ARNT2: variants seen among roughly 807,000 people sequenced by gnomAD.
The protein encoded by ARNT2 is aryl hydrocarbon receptor nuclear translocator 2, also known as ARNT protein 2.
Under a neutral mutation model 91.7 loss-of-function variants are expected in ARNT2, and 36 were observed. The ratio of observed to expected loss-of-function variants is 0.39; its 90% CI spans 0.30 to 0.52. The LOEUF (loss-of-function observed/expected upper bound fraction) is 0.52, where lower values mean the gene tolerates loss of function less well. Among genes scored for constraint, ARNT2 ranks in the 20% least tolerant of loss-of-function variants. The pLI, the probability that ARNT2 is intolerant of heterozygous loss-of-function variation, is 0.72. For synonymous variants in ARNT2, 365 were observed against 347.1 expected, an observed-to-expected ratio of 1.05 and a Z score of -0.57; for missense variants, 775 against 939.3, an observed-to-expected ratio of 0.83 and a Z score of 2.29.
intron 13 of ARNT2, 105 bp downstream of exon 13, chr15:80,574,325 C>T: frequency 9.1e-7 from 1 of 1,102,166 alleles, no homozygotes; most frequent in Non-Finnish European, 1.4e-6. Flanking sequence ...AAGGATTGCC[C>T]CATCCCCCCA....
At chr15:80,549,015 A>G (rs1455284495) in intron 8 of ARNT2, among the ~76,000 whole-genome samples, 1 of 152,184 alleles carries the variant, frequency 6.6e-6, no homozygotes, top group African/African-American at 2.4e-5. Flanking sequence ...CTCTATAATT[A>G]AAATAGTATG....
In ARNT2 at chr15:80,593,778, C is replaced by T. The variant is rs1413277703; in HGVS notation, c.*80C>T. On this transcript the variant is annotated 3_prime_UTR_variant, in exon 19 of 19. Transcript: ENST00000303329. ...TGCCCATGTGAATGAGGCCCACCCT[C>T]GCCCTGCTTGCCCTGCCGCAGGCCC... 9.6e-6 allele frequency: 13 copies of T among 1,348,632 alleles called. No individual in the cohort carries two copies. The highest frequency in any genetic ancestry group is 1.3e-5 in the Non-Finnish European group (13 of 976,540). The allele number at this position is 1,348,632 out of a possible 1,614,324, so 83.5% of individuals were successfully genotyped here.
chr15:80,576,978 G>C lies in ARNT2; in HGVS notation c.1613+13G>C. The C allele has an allele frequency of 6.2e-7, 1 of 1,612,868 alleles. No homozygotes were observed. Among genetic ancestry groups the C allele is most frequent in the East Asian group, 2.2e-5 (1 of 44,872 alleles). On this transcript the variant is annotated intron_variant, in intron 15 of 18. Coordinates refer to ENST00000303329, the MANE Select transcript of ARNT2 (RefSeq NM_014862.4). ...GGAAGGCCTTCAGGTATGTGCCAGCGAGGGGGACAATGGCGTGGGAAGATG... is the reference window on the plus strand; with the variant it reads ...GGAAGGCCTTCAGGTATGTGCCAGCCAGGGGGACAATGGCGTGGGAAGATG...
chr15:80,564,002 T>C (rs995766558), intron 12 of ARNT2, among the ~76,000 whole-genome samples: 2 of 152,128 alleles, frequency 1.3e-5, no homozygotes, highest in African/African-American at 4.8e-5. Flanking sequence ...CTCAAGGAAA[T>C]ACAAGGCCAA....
intron 12 of ARNT2, among the ~76,000 whole-genome samples, chr15:80,564,369 C>T (rs1431074951): frequency 6.6e-6 from 1 of 152,122 alleles, no homozygotes; most frequent in Non-Finnish European, 1.5e-5. Context: ...CTCTGAGCCC[C>T]TTGGATTTGG....
chr15:80,577,691 G>A (rs563573648), intron 15 of ARNT2, among the ~76,000 whole-genome samples: 43 of 152,362 alleles, frequency 2.8e-4, no homozygotes, highest in African/African-American at 1.0e-3. Flanking sequence ...GCTTCCAGAT[G>A]CAGAGGCCAG....
At chr15:80,417,676 C>CT (rs375697016) in intron 1 of ARNT2, among the ~76,000 whole-genome samples, 3 of 151,914 alleles carry the variant, frequency 2.0e-5, no homozygotes, top group African/African-American at 7.3e-5. Flanking sequence ...AACCCCCTCC[C>CT]TTTTTTTAAA....
At chr15:80,537,155 C>T (rs1296051532) in intron 8 of ARNT2, among the ~76,000 whole-genome samples, 2 of 151,574 alleles carry the variant, frequency 1.3e-5, no homozygotes, top group East Asian at 3.8e-4. Flanking sequence ...GAACCTTCAC[C>T]AGTTCTGCCA....
intron 15 of ARNT2, 118 bp downstream of exon 15, chr15:80,577,083 G>C: frequency 1.0e-6 from 1 of 971,606 alleles, no homozygotes; most frequent in Non-Finnish European, 1.6e-6. Flanking sequence ...CTGGCGCTCA[G>C]GCCTTGGACT....
In ARNT2 at chr15:80,538,402, T is replaced by G. The variant is rs572691965; in HGVS notation, c.878-12797T>G. ...ACTTATAGAACTTGGAAAGCCCATTTTTTTAATCCCAGTGCAATAAATCTA... is the reference window on the plus strand; with the variant it reads ...ACTTATAGAACTTGGAAAGCCCATTGTTTTAATCCCAGTGCAATAAATCTA... On this transcript the variant is annotated intron_variant, in intron 8 of 18. Transcript: ENST00000303329. Among the ~76,000 whole-genome samples, 173 of 152,318 alleles carry G rather than the reference T, an allele frequency of 1.1e-3. 1 individual carries two copies. Among genetic ancestry groups the G allele is most frequent in the African/African-American group, 3.8e-3 (160 of 41,592 alleles).
In ARNT2 at chr15:80,513,979, C is replaced by A. The variant is rs781399949; in HGVS notation, c.791+3C>A. 1 of 1,610,984 alleles carries A rather than the reference C, an allele frequency of 6.2e-7. No homozygotes were observed. The highest frequency in any genetic ancestry group is 1.1e-5 in the South Asian group (1 of 90,966). On this transcript the variant is annotated splice_donor_region_variant and intron_variant, in intron 7 of 18. Coordinates refer to ENST00000303329, the MANE Select transcript of ARNT2 (RefSeq NM_014862.4). ...ACCACCATGAGGAAAAGGTTCAGGT[C>A]AGTATCTCTTCCGATGTATATTTTG...
At chr15:80,470,607 G>T (rs1373755413) in intron 4 of ARNT2, among the ~76,000 whole-genome samples, 176 bp downstream of exon 4, 3 of 152,142 alleles carry the variant, frequency 2.0e-5, no homozygotes, top group Admixed American at 6.5e-5. Flanking sequence ...TGATCTTTGG[G>T]TCTTCTGCTT....
At position 80,552,959 on chromosome 15, in the gene ARNT2, G is replaced by A. The variant is rs527583637; in HGVS notation, c.1089+185G>A. ...AAGAAAAGACGTTGTAAACACTTGT[G>A]CCACTTAACATGGACTCTTTCTTCT... On this transcript the variant is annotated intron_variant, in intron 10 of 18. Coordinates refer to ENST00000303329, the MANE Select transcript of ARNT2 (RefSeq NM_014862.4). 2.6e-5 allele frequency among the ~76,000 whole-genome samples: 4 copies of A among 152,334 alleles called. No homozygotes were observed. The South Asian group carries it at 8.3e-4, about 32-fold the overall frequency.
chr15:80,438,769 G>T (rs770629568), intron 1 of ARNT2, among the ~76,000 whole-genome samples: 1 of 152,188 alleles, frequency 6.6e-6, no homozygotes, highest in Non-Finnish European at 1.5e-5. Context: ...GGCCCACTAC[G>T]ACCTCCATCT....
At chr15:80,574,126 C>G in intron 12 of ARNT2, 22 bp from the exon 13 acceptor site, 2 of 1,611,876 alleles carry the variant, frequency 1.2e-6, no homozygotes, top group Non-Finnish European at 1.7e-6. Context: ...TCATGACCCT[C>G]TGTTGTCTTC....
intron 15 of ARNT2, among the ~76,000 whole-genome samples, chr15:80,577,962 G>A (rs768459354): frequency 2.4e-4 from 36 of 152,224 alleles, no homozygotes; most frequent in Non-Finnish European, 4.6e-4. Flanking sequence ...TCTGTGAGCA[G>A]TCCCTAACCA....
At chr15:80,536,672 T>C (rs1897828834) in intron 8 of ARNT2, among the ~76,000 whole-genome samples, 1 of 152,176 alleles carries the variant, frequency 6.6e-6, no homozygotes, top group African/African-American at 2.4e-5. Flanking sequence ...ACCCCCACTA[T>C]CTGCCTAAAT....
chr15:80,507,646 A>T (rs926708109), intron 5 of ARNT2, among the ~76,000 whole-genome samples: 1 of 152,182 alleles, frequency 6.6e-6, no homozygotes. Flanking sequence ...CAGTGAGAAG[A>T]GAAGAAGGCT....
chr15:80,555,810 C>G (rs1898174292), intron 11 of ARNT2: 1 of 147,394 alleles, frequency 6.8e-6, no homozygotes, highest in South Asian at 2.2e-4. Context: ...ACTAAAAATA[C>G]AAAAATTAGC....
Sources: allele counts gnomAD v4.1 joint callset (sites outside exome capture counted in the v4.1 genomes callset), GRCh38; gene constraint gnomAD v4.1.1; transcripts MANE v1.5; gene names NCBI Gene and HGNC (gene_info 2026-07-23, HGNC 2026-07-21).